Variants in ALAD observed in about 807,000 individuals in gnomAD.
ALAD encodes delta-aminolevulinic acid dehydratase.
In ALAD, 20 loss-of-function variants were observed where a neutral mutation model predicts 44.4. That is an observed-to-expected ratio of 0.45 (90% CI 0.32 to 0.65). ALAD has a LOEUF of 0.65. ALAD is among the 30% of genes least tolerant of loss of function. The pLI is 0.05. For synonymous variants in ALAD, 156 were observed against 167.9 expected, an observed-to-expected ratio of 0.93 and a Z score of 0.55; for missense variants, 323 against 445.7, an observed-to-expected ratio of 0.72 and a Z score of 2.48.
In ALAD at chr9:113,386,627, T is replaced by C. The variant is rs994277865; in HGVS notation, c.*1673A>G. On this transcript the variant is annotated 3_prime_UTR_variant, in exon 12 of 12. Transcript: ENST00000409155. ...TTTGCTGTTGATTATTGGGAGGTGG[T>C]ATGGCACAGTGGTTAGGGGCAGAGG... is the stretch of plus-strand genomic sequence containing the variant. 3.3e-5 allele frequency: 5 copies of C among 152,294 alleles called. No individual in the cohort carries two copies. The East Asian group carries it at 7.7e-4, about 23-fold the overall frequency. 9.4% of individuals were successfully genotyped at this position (152,294 alleles called of 1,614,324 possible). A position where few individuals can be genotyped will look rare whatever the true frequency, so the allele number is the denominator to read the frequency against.
intron 1 of ALAD, among the ~76,000 whole-genome samples, 157 bp from the exon 2 acceptor site, chr9:113,393,791 T>A (rs8177792): frequency 1.5e-3 from 221 of 152,330 alleles, no homozygotes; most frequent in African/African-American, 5.0e-3. Flanking sequence ...ACAAGGTAAG[T>A]TGAGAAATGA....
At chr9:113,397,694 G>A (rs531002969) in intron 1 of ALAD, among the ~76,000 whole-genome samples, 12 of 140,332 alleles carry the variant, frequency 8.6e-5, no homozygotes, top group African/African-American at 3.2e-4. Flanking sequence ...GTTCGATCTC[G>A]GCTCACTGCA....
chr9:113,389,522 G>A lies in ALAD; in HGVS notation c.717C>T (p.Asp239=), dbSNP rs767574779. Residue 239 remains aspartate (D), a splice_region_variant and synonymous_variant, in exon 10 of 12, where the codon GAC becomes GAT. Coordinates refer to ENST00000409155, the MANE Select transcript of ALAD (RefSeq NM_000031.6). The part of the protein sequence containing the change: ...GARGLALRAV[D]RDVREGADML... ...TGTCAGCTCCTTCCCGTACATCCCG[G>A]TCCTAAGGGATGAGGGTATAATGTG... The A allele has an allele frequency of 5.6e-6, 9 of 1,614,160 alleles. No homozygotes were observed. The Admixed American group carries it at 1.0e-4, about 18-fold the overall frequency.
chr9:113,390,709 C>T (rs759724251), intron 5 of ALAD, 33 bp from the exon 6 acceptor site: 1 of 1,608,126 alleles, frequency 6.2e-7, no homozygotes, highest in Non-Finnish European at 8.5e-7. Context: ...TTGGGGAGCA[C>T]CTTGGGCCCT....
chr9:113,396,303 G>T (rs1013383070), intron 1 of ALAD: 4 of 150,004 alleles, frequency 2.7e-5, no homozygotes, highest in African/African-American at 4.9e-5. Flanking sequence ...CAGAAGAATC[G>T]ATTGAACCTA....
intron 11 of ALAD, among the ~76,000 whole-genome samples, 196 bp from the exon 12 acceptor site, chr9:113,388,557 T>A (rs1472590263): frequency 6.6e-6 from 1 of 152,178 alleles, no homozygotes; most frequent in African/African-American, 2.4e-5. Context: ...GGGGCCTCAG[T>A]TTACCAAAGA....
chr9:113,396,935 A>G (rs1827743994), intron 1 of ALAD: 1 of 152,272 alleles, frequency 6.6e-6, no homozygotes, highest in South Asian at 2.1e-4. Flanking sequence ...CCCATAGCCA[A>G]AGGATGGGGA....
At chr9:113,388,465 A>C (rs1291112757) in intron 11 of ALAD, 104 bp from the exon 12 acceptor site, 5 of 1,065,770 alleles carry the variant, frequency 4.7e-6, no homozygotes, top group Admixed American at 3.4e-5. Flanking sequence ...TACCATGAAG[A>C]AGCACAGCCT....
chr9:113,393,737 G>A, intron 1 of ALAD, 103 bp from the exon 2 acceptor site: 2 of 600,728 alleles, frequency 3.3e-6, no homozygotes, highest in South Asian at 4.0e-5. Flanking sequence ...CCTCTCTCTA[G>A]CCCAATGCTA....
At chr9:113,388,398 C>T (rs755903342) in intron 11 of ALAD, 37 bp from the exon 12 acceptor site, 18 of 1,597,204 alleles carry the variant, frequency 1.1e-5, no homozygotes, top group South Asian at 4.4e-5. Flanking sequence ...GCTGGGGGGA[C>T]GCTGATCAGC....
At chr9:113,389,923 A>G in intron 7 of ALAD, 95 bp from the exon 8 acceptor site, 1 of 1,457,576 alleles carries the variant, frequency 6.9e-7, no homozygotes, top group Non-Finnish European at 9.5e-7. Context: ...GCTGGGAAGG[A>G]GACTGCCTGT....
chr9:113,390,980 T>C (rs752432827), intron 4 of ALAD, 47 bp from the exon 5 acceptor site: 1 of 1,611,810 alleles, frequency 6.2e-7, no homozygotes, highest in Admixed American at 1.7e-5. Flanking sequence ...ACATGTAGCT[T>C]TGGAAGGCAG....
chr9:113,392,192 T>C (rs763771097), intron 2 of ALAD, 23 bp from the exon 3 acceptor site: 10 of 1,613,488 alleles, frequency 6.2e-6, no homozygotes, highest in East Asian at 2.2e-5. Context: ...GGGTGGGATA[T>C]GGATTGGTAG....
At chr9:113,389,291 A>G (rs1827501844) in intron 10 of ALAD, 147 bp downstream of exon 10, 11 of 1,308,880 alleles carry the variant, frequency 8.4e-6, no homozygotes, top group Middle Eastern at 5.1e-4. Context: ...AAGCCCCGAC[A>G]TAGAAGGCCA....
chr9:113,398,733 C>T (rs991088435), intron 1 of ALAD, among the ~76,000 whole-genome samples: 1 of 152,196 alleles, frequency 6.6e-6, no homozygotes, highest in Admixed American at 6.5e-5. Context: ...GAGCTATAAA[C>T]TGACCCTGCA....
Position 113,389,650 on chromosome 9 carries a change from G to A in ALAD, c.663C>T (p.Arg221=), listed in dbSNP as rs1055687089. 4 of 1,614,076 alleles carry A rather than the reference G, an allele frequency of 2.5e-6. No individual in the cohort carries two copies. The highest frequency in any genetic ancestry group is 2.5e-6 in the Non-Finnish European group (3 of 1,180,052). Reference sequence around the variant, plus strand: ...CTCCAGGGGGCAGCTGGTAGCAGCGGCGGTCCCCAAAAGCTGGGCTTGACT... The same window carrying A: ...CTCCAGGGGGCAGCTGGTAGCAGCGACGGTCCCCAAAAGCTGGGCTTGACT... ...AAKSSPAFGD[R]RCYQLPPGAR... The change falls in exon 9 of 12, where the codon CGC becomes CGT. Residue 221 remains arginine, a synonymous_variant. Transcript: ENST00000409155.
In ALAD at chr9:113,392,139, G is replaced by T. The variant is rs1377651823; in HGVS notation, c.144C>A (p.Thr48=). 2.5e-6 allele frequency: 4 copies of T among 1,613,758 alleles called. No homozygotes were observed. The South Asian group carries it at 4.4e-5, about 18-fold the overall frequency. Residue 48 remains threonine, a synonymous_variant, in exon 3 of 12, where the codon ACC becomes ACA. Coordinates refer to ENST00000409155, the MANE Select transcript of ALAD (RefSeq NM_000031.6). ...CCTACCTGGCCACTCCTGGGAGGCT[G>T]GTGATAGGCTGTATGTCATCAGGAA... ...TDVPDDIQPI[T]SLPGVARYGV...
At chr9:113,392,484 C>G (rs1827618724) in intron 2 of ALAD, 2 of 505,192 alleles carry the variant, frequency 4.0e-6, no homozygotes, top group Non-Finnish European at 6.2e-6. Context: ...CACTTACTGC[C>G]TGGGTGACCG....
rs1205857337 is a variant in ALAD, at chr9:113,386,495, C to G, written c.*1805G>C. On this transcript the variant is annotated 3_prime_UTR_variant, in exon 12 of 12. Transcript: ENST00000409155. ...ATTAAATACATTTTTGACTTATGAT[C>G]ATATTTTCAACTTATGATCATATTT... 1 of 151,870 alleles carries G rather than the reference C, an allele frequency of 6.6e-6. No individual in the cohort carries two copies. The highest frequency in any genetic ancestry group is 1.5e-5 in the Non-Finnish European group (1 of 67,904). The allele number at this position is 151,870 out of a possible 1,614,324, so 9.4% of individuals were successfully genotyped here. A position where few individuals can be genotyped will look rare whatever the true frequency, so the allele number is the denominator to read the frequency against.
Sources: allele counts gnomAD v4.1 joint callset (sites outside exome capture counted in the v4.1 genomes callset), GRCh38; gene constraint gnomAD v4.1.1; transcripts MANE v1.5; gene names NCBI Gene and HGNC (gene_info 2026-07-23, HGNC 2026-07-21).